FGF14: variants seen among roughly 807,000 people sequenced by gnomAD.
FGF14 encodes fibroblast growth factor homologous factor 4.
In FGF14, 5 loss-of-function variants were observed where a neutral mutation model predicts 25.5. The ratio of observed to expected loss-of-function variants is 0.20; its 90% CI spans 0.10 to 0.41. FGF14 has a LOEUF of 0.41. Among genes scored for constraint, FGF14 ranks in the 10% least tolerant of loss-of-function variants. The pLI, the probability that FGF14 is intolerant of heterozygous loss-of-function variation, is 1.00. For missense variants in FGF14, 222 were observed against 320.1 expected, an observed-to-expected ratio of 0.69 and a Z score of 2.34; for synonymous variants, 138 against 118.3, an observed-to-expected ratio of 1.17 and a Z score of -1.08.
At chr13:101,898,976 T>C (rs1484143044) in intron 1 of FGF14, among the ~76,000 whole-genome samples, 2 of 152,196 alleles carry the variant, frequency 1.3e-5, no homozygotes, top group Non-Finnish European at 2.9e-5. Flanking sequence ...AGAGCAAAGC[T>C]TTTGGCAATC....
At chr13:102,035,914 G>C (rs776123127) in intron 1 of FGF14, among the ~76,000 whole-genome samples, 1 of 152,022 alleles carries the variant, frequency 6.6e-6, no homozygotes, top group African/African-American at 2.4e-5. Context: ...CACATAAAGG[G>C]GACACGAGTC....
intron 1 of FGF14, among the ~76,000 whole-genome samples, chr13:102,236,736 C>G (rs1392355985): frequency 6.6e-6 from 1 of 152,234 alleles, no homozygotes; most frequent in East Asian, 1.9e-4. Flanking sequence ...AACAAGTAAG[C>G]GTGTTTTCTT....
intron 1 of FGF14, among the ~76,000 whole-genome samples, chr13:101,908,260 T>C (rs3916917): frequency 0.34 from 51,164 of 152,064 alleles, 8,961 homozygotes; most frequent in East Asian, 0.46. Context: ...AGGCAAATAG[T>C]AGGCAGGCAG....
chr13:101,715,420 A>G lies in FGF14; in HGVS notation c.*7411T>C. The G allele has an allele frequency of 1.5e-6, 1 of 681,100 alleles. No individual in the cohort carries two copies. Among genetic ancestry groups the G allele is most frequent in the Non-Finnish European group, 2.6e-6 (1 of 379,024 alleles). The allele number at this position is 681,100 out of a possible 1,614,324, so 42.2% of individuals were successfully genotyped here. A position where few individuals can be genotyped will look rare whatever the true frequency, so the allele number is the denominator to read the frequency against. ...GTCTCGCAGCTGCTTAATAAGATGT[A>G]ATAATAACATCATTGCACAATAAGA... On this transcript the variant is annotated 3_prime_UTR_variant, in exon 5 of 5. Transcript: ENST00000376143.
At chr13:102,067,066 G>A (rs180846279) in intron 1 of FGF14, among the ~76,000 whole-genome samples, 21 of 152,226 alleles carry the variant, frequency 1.4e-4, no homozygotes, top group Non-Finnish European at 2.9e-4. Context: ...TTAAAACTAT[G>A]TTTCTGGAGC....
chr13:102,368,237 A>C (rs1422743226), intron 1 of FGF14, among the ~76,000 whole-genome samples: 2 of 152,244 alleles, frequency 1.3e-5, no homozygotes, highest in South Asian at 2.1e-4. Context: ...TATTTTGATA[A>C]TTAAATGAGA....
chr13:102,376,648 C>T (rs1594992082), intron 1 of FGF14, among the ~76,000 whole-genome samples: 2 of 152,218 alleles, frequency 1.3e-5, no homozygotes, highest in African/African-American at 2.4e-5. Flanking sequence ...AGAAAACCCT[C>T]GCTATAATTC....
intron 1 of FGF14, among the ~76,000 whole-genome samples, chr13:102,336,590 TCTACA>T (rs958629144): frequency 6.6e-6 from 1 of 152,184 alleles, no homozygotes; most frequent in Non-Finnish European, 1.5e-5. Context: ...GATGAACGTG[TCTACA>T]CTAAACAACA....
intron 1 of FGF14, among the ~76,000 whole-genome samples, chr13:102,096,523 G>A (rs961183285): frequency 1.5e-4 from 23 of 151,936 alleles, no homozygotes; most frequent in African/African-American, 4.4e-4. Flanking sequence ...CTTAATATGC[G>A]CTATGATGAT....
chr13:102,340,566 A>G (rs9557855), intron 1 of FGF14, among the ~76,000 whole-genome samples: 28,041 of 152,134 alleles, frequency 0.18, 2,729 homozygotes, highest in Non-Finnish European at 0.22. Flanking sequence ...ACCATCAGAG[A>G]TTAGCTCATC....
intron 3 of FGF14, among the ~76,000 whole-genome samples, chr13:101,847,546 G>C (rs942465280): frequency 6.6e-6 from 1 of 152,098 alleles, no homozygotes; most frequent in Non-Finnish European, 1.5e-5. Flanking sequence ...TTGTGATTAA[G>C]CATGTCTGTA....
At chr13:102,107,784 G>A (rs2044999688) in intron 1 of FGF14, among the ~76,000 whole-genome samples, 1 of 152,168 alleles carries the variant, frequency 6.6e-6, no homozygotes, top group South Asian at 2.1e-4. Flanking sequence ...AATCGCATGA[G>A]CAAAGGCACA....
chr13:102,155,897 T>C (rs9557820), intron 1 of FGF14, among the ~76,000 whole-genome samples: 1 of 152,072 alleles, frequency 6.6e-6, no homozygotes, highest in African/African-American at 2.4e-5. Flanking sequence ...ACAAATAAAC[T>C]AGAAAATCTA....
At chr13:101,752,779 C>G (rs1339460296) in intron 3 of FGF14, among the ~76,000 whole-genome samples, 1 of 152,144 alleles carries the variant, frequency 6.6e-6, no homozygotes, top group African/African-American at 2.4e-5. Flanking sequence ...GTTGCTCTAG[C>G]TCCAAACATT....
At chr13:101,953,582 A>G (rs1421768772) in intron 1 of FGF14, among the ~76,000 whole-genome samples, 2 of 143,068 alleles carry the variant, frequency 1.4e-5, no homozygotes, top group South Asian at 2.1e-4. Flanking sequence ...ATATATATAT[A>G]TATATAATTT....
chr13:101,959,590 G>C (rs960381197), intron 1 of FGF14, among the ~76,000 whole-genome samples: 1 of 152,132 alleles, frequency 6.6e-6, no homozygotes, highest in Admixed American at 6.5e-5. Flanking sequence ...CCAACTTGGA[G>C]TTTCTTTCCT....
chr13:101,714,767 TG>T lies in FGF14; in HGVS notation c.*8063del, dbSNP rs2034637960. ...AATACAAGAGAATGAAGCTAAATTT[TG>T]TGATTATTTGGGATCCTTCCACAAA... On this transcript the variant is annotated 3_prime_UTR_variant, in exon 5 of 5. Transcript: ENST00000376143. 1.9e-6 allele frequency: 1 copy of T among 536,678 alleles called. No individual in the cohort carries two copies. Among genetic ancestry groups the T allele is most frequent in the African/African-American group, 1.9e-5 (1 of 52,632 alleles). 33.2% of individuals were successfully genotyped at this position (536,678 alleles called of 1,614,324 possible). A position where few individuals can be genotyped will look rare whatever the true frequency, so the allele number is the denominator to read the frequency against.
At chr13:102,390,452 C>T (rs1441336895) in intron 1 of FGF14, among the ~76,000 whole-genome samples, 1 of 152,202 alleles carries the variant, frequency 6.6e-6, no homozygotes, top group African/African-American at 2.4e-5. Context: ...AGGAGAAATA[C>T]TGATCACTTT....
chr13:102,159,399 C>CA (rs774688881), intron 1 of FGF14, among the ~76,000 whole-genome samples: 3 of 152,144 alleles, frequency 2.0e-5, no homozygotes, highest in Non-Finnish European at 2.9e-5. Context: ...GCAAACACGG[C>CA]ATCAGTACAG....
Sources: gnomAD v4.1 joint callset for allele counts (sites outside exome capture counted in the v4.1 genomes callset) on GRCh38, gnomAD v4.1.1 for gene constraint, MANE v1.5 for transcripts, NCBI Gene and HGNC (gene_info 2026-07-23, HGNC 2026-07-21) for gene names.